The following LIG3 variants were observed in gnomAD, a reference collection of about 807,000 sequenced individuals.
LIG3 encodes DNA ligase 3.
Under a neutral mutation model 110.9 loss-of-function variants are expected in LIG3, and 58 were observed. The observed-to-expected ratio is 0.52, with a 90% CI of 0.42 to 0.65. The LOEUF (loss-of-function observed/expected upper bound fraction) is 0.65, where lower values mean the gene tolerates loss of function less well. Among genes scored for constraint, LIG3 ranks in the 30% least tolerant of loss-of-function variants. The pLI, the probability that LIG3 is intolerant of heterozygous loss-of-function variation, is 0.00. For missense variants in LIG3, 1,094 were observed against 1,273.8 expected (o/e 0.86, Z 2.15); for synonymous variants, 422 against 472.8 (o/e 0.89, Z 1.39).
downstream of LIG3, chr17:35,010,197 G>T (rs1165100019): frequency 6.6e-6 from 1 of 152,208 alleles, no homozygotes; most frequent in Non-Finnish European, 1.5e-5. Flanking sequence ...CTGCCATCCA[G>T]AGTCATGATT....
chr17:34,989,569 G>A lies in LIG3; in HGVS notation c.795G>A (p.Glu265=), dbSNP rs777372589. The A allele has an allele frequency of 2.5e-6, 4 of 1,613,988 alleles. No homozygotes were observed. Among genetic ancestry groups the A allele is most frequent in the South Asian group, 2.2e-5 (2 of 91,088 alleles). ...GGCATAAGGACTGTCTGCTACGGGA[G>A]TTTCGAAAGTTATGCGCCATGGTGG... ...DPRHKDCLLR[E]FRKLCAMVAD... Residue 265 remains glutamate (E), a synonymous_variant, in exon 4 of 20, where the codon GAG becomes GAA. Transcript: ENST00000378526.
rs1252419554 is a variant in LIG3, at chr17:35,005,983, T to C, written c.*1477T>C. The stretch of plus-strand genomic sequence containing the variant: ...GCTGACCTATTGATAATACCAACAA[T>C]GTTGAGTGGCATTTTCTTCTTAGTT... On this transcript the variant is annotated 3_prime_UTR_variant, in exon 20 of 20. Transcript: ENST00000378526. The C allele has an allele frequency of 7.7e-6, 2 of 261,202 alleles. No homozygotes were observed. The highest frequency in any genetic ancestry group is 1.5e-5 in the Non-Finnish European group (2 of 133,336). The allele number at this position is 261,202 out of a possible 1,614,324, so 16.2% of individuals were successfully genotyped here. A position where few individuals can be genotyped will look rare whatever the true frequency, so the allele number is the denominator to read the frequency against.
intron 11 of LIG3, chr17:34,997,403 G>A: frequency 3.9e-6 from 1 of 256,820 alleles, no homozygotes; most frequent in South Asian, 5.0e-5. Flanking sequence ...GCAGGGTGCA[G>A]GGGATAAAAA....
chr17:35,005,861 T>C lies in LIG3; in HGVS notation c.*1355T>C. 1 of 371,478 alleles carries C rather than the reference T, an allele frequency of 2.7e-6. No homozygotes were observed. The highest frequency in any genetic ancestry group is 6.3e-5 in the East Asian group (1 of 15,798). The allele number at this position is 371,478 out of a possible 1,614,324, so 23.0% of individuals were successfully genotyped here. On this transcript the variant is annotated 3_prime_UTR_variant, in exon 20 of 20. Transcript: ENST00000378526. ...GAATGAAGAGCAGCAGTAAAAGAAA[T>C]ACCTAGCGAAAAAAACAGGAAGCAT...
At chr17:34,988,712 G>C (rs369908914) in intron 3 of LIG3, among the ~76,000 whole-genome samples, 6 of 152,144 alleles carry the variant, frequency 3.9e-5, no homozygotes, top group African/African-American at 1.4e-4. Flanking sequence ...GAAAAGAAAA[G>C]TTGAAGCAGC....
Position 34,989,486 on chromosome 17 carries a change from G to A in LIG3, c.712G>A (p.Glu238Lys). ...AACAGCCAAGCCCAACAACTCTGGG[G>A]AAGCCCCCTCGAGCCCCACCCCTAA... ...GFSAKPNNSG[E>K]APSSPTPKRS... The change falls in exon 4 of 20, where the codon GAA (glutamate) becomes AAA (lysine). Residue 238 changes from glutamate to lysine, a missense_variant. By Grantham distance (56) the Glu-to-Lys change is moderately conservative (BLOSUM62 1). Transcript: ENST00000378526. The A allele has an allele frequency of 3.7e-6, 6 of 1,613,918 alleles. No homozygotes were observed. The highest frequency in any genetic ancestry group is 5.1e-6 in the Non-Finnish European group (6 of 1,179,978).
At chr17:35,000,358 A>C (rs2090826794) in intron 16 of LIG3, among the ~76,000 whole-genome samples, 1 of 152,182 alleles carries the variant, frequency 6.6e-6, no homozygotes, top group Admixed American at 6.5e-5. Flanking sequence ...TCCCGGGTTC[A>C]AGTGATTCTC....
At position 34,983,085 on chromosome 17, in the gene LIG3, A is replaced by G. The variant is rs2090620041; in HGVS notation, c.80A>G (p.His27Arg). 6.2e-7 allele frequency: 1 copy of G among 1,613,948 alleles called. No individual in the cohort carries two copies. Among genetic ancestry groups the G allele is most frequent in the African/African-American group, 1.3e-5 (1 of 74,962 alleles). ...SRKELCLFRKHHWRDVRQFSQ... is the reference protein window; with the variant it reads ...SRKELCLFRKRHWRDVRQFSQ... ...AAAGAACTGTGCCTATTCCGAAAAC[A>G]TCACTGGCGTGATGTAAGACAATTC... is the stretch of plus-strand genomic sequence containing the variant. The change falls in exon 2 of 20, where the codon CAT becomes CGT. Residue 27 changes from histidine to arginine, a missense_variant. By Grantham distance (29) the His-to-Arg change is conservative. Transcript: ENST00000378526.
intron 9 of LIG3, among the ~76,000 whole-genome samples, chr17:34,995,562 C>T (rs1197964357): frequency 6.6e-6 from 1 of 152,170 alleles, no homozygotes; most frequent in Non-Finnish European, 1.5e-5. Context: ...CTGCTCTAAG[C>T]ATCCTGGGTA....
chr17:35,005,666 C>T lies in LIG3; in HGVS notation c.*1160C>T, dbSNP rs1467239817. The T allele has an allele frequency of 1.1e-5, 6 of 565,036 alleles. No individual in the cohort carries two copies. Among genetic ancestry groups the T allele is most frequent in the South Asian group, 2.7e-5 (2 of 72,756 alleles). The allele number at this position is 565,036 out of a possible 1,614,324, so 35.0% of individuals were successfully genotyped here. On this transcript the variant is annotated 3_prime_UTR_variant, in exon 20 of 20. Coordinates refer to ENST00000378526, the MANE Select transcript of LIG3 (RefSeq NM_013975.4). The stretch of plus-strand genomic sequence containing the variant: ...TTTTTTTTCTTCTATTCATTGGATT[C>T]GTCTGTGTCCTACTGAGTTTTTTCA...
Position 35,002,722 on chromosome 17 carries a change from C to T in LIG3, c.2729C>T (p.Thr910Ile), listed in dbSNP as rs2090856991. 2 of 1,613,506 alleles carry T rather than the reference C, an allele frequency of 1.2e-6. No homozygotes were observed. Among genetic ancestry groups the T allele is most frequent in the African/African-American group, 2.7e-5 (2 of 75,052 alleles). The change falls in exon 19 of 20, where the codon ACA becomes ATA. Residue 910 changes from threonine to isoleucine, a missense_variant. Transcript: ENST00000378526. ...ATGAAGGTGGGGGAGAAGCTGGCCA[C>T]AAAGTCTTCTCCAGTGAAAGTAGGG... ...SAMKVGEKLA[T>I]KSSPVKVGEK... is the part of the protein sequence containing the mutation.
At position 34,983,188 on chromosome 17, in the gene LIG3, A is replaced by C. The variant is rs755369837; in HGVS notation, c.183A>C (p.Gly61=). Residue 61 remains glycine, a synonymous_variant, in exon 2 of 20, where the codon GGA becomes GGC. Coordinates refer to ENST00000378526, the MANE Select transcript of LIG3 (RefSeq NM_013975.4). ...LRRKPVLSFQ[G]SHLRSRATYL... ...GAAAGCCTGTTCTATCATTCCAGGG[A>C]AGCCATCTAAGATCACGTGCCACCT... 3 of 1,614,174 alleles carry C rather than the reference A, an allele frequency of 1.9e-6. No homozygotes were observed. The highest frequency in any genetic ancestry group is 2.5e-6 in the Non-Finnish European group (3 of 1,180,016).
intron 14 of LIG3, 96 bp from the exon 15 acceptor site, chr17:34,999,211 A>G: frequency 7.1e-7 from 1 of 1,403,916 alleles, no homozygotes; most frequent in Non-Finnish European, 9.7e-7. Flanking sequence ...TGGCACTCTG[A>G]CGGCCAGGAC....
intron 3 of LIG3, among the ~76,000 whole-genome samples, chr17:34,987,848 T>C (rs1486951205): frequency 2.6e-5 from 4 of 152,176 alleles, no homozygotes; most frequent in Non-Finnish European, 4.4e-5. Context: ...TCATGAGGAC[T>C]GTAAGAGATA....
chr17:35,001,956 T>C lies in LIG3; in HGVS notation c.2526T>C (p.Ala842=). 6.2e-7 allele frequency: 1 copy of C among 1,612,686 alleles called. No individual in the cohort carries two copies. The highest frequency in any genetic ancestry group is 8.5e-7 in the Non-Finnish European group (1 of 1,179,436). ...SKEKADFTVV[A]GDEGSSTTGG... is the part of the protein sequence containing the mutation. ...AGAAGGCAGACTTCACTGTAGTGGC[T>C]GGAGATGAGGGGAGCTCCACTACAG... Residue 842 remains alanine (A), a synonymous_variant, in exon 18 of 20, where the codon GCT becomes GCC. Coordinates refer to ENST00000378526, the MANE Select transcript of LIG3 (RefSeq NM_013975.4).
At chr17:35,003,317 T>TG (rs2090864912) in intron 19 of LIG3, 2 of 565,672 alleles carry the variant, frequency 3.5e-6, no homozygotes, top group Non-Finnish European at 5.7e-6. Flanking sequence ...TTTTTTTTTT[T>TG]GAGATAAGTC....
At chr17:34,980,693 G>A (rs2090574154) in intron 1 of LIG3, 71 bp downstream of exon 1, 17 of 915,614 alleles carry the variant, frequency 1.9e-5, no homozygotes, top group Middle Eastern at 5.3e-4. Flanking sequence ...CCGGGGCGAG[G>A]AGCTCGGCGC....
chr17:34,991,841 G>A lies in LIG3; in HGVS notation c.1208+4G>A. The A allele has an allele frequency of 6.2e-7, 1 of 1,614,044 alleles. No individual in the cohort carries two copies. The highest frequency in any genetic ancestry group is 8.5e-7 in the Non-Finnish European group (1 of 1,179,978). On this transcript the variant is annotated splice_donor_region_variant and intron_variant, in intron 6 of 19. Coordinates refer to ENST00000378526, the MANE Select transcript of LIG3 (RefSeq NM_013975.4). ...CCCTACAGGACATTGCCTCCAGGTG[G>A]GGGAGCTGCCTCCGTCAAACCATGC...
In LIG3 at chr17:34,997,818, G is replaced by A. The variant is rs372375745; in HGVS notation, c.1904G>A (p.Arg635Gln). Residue 635 changes from arginine (R) to glutamine (Q), a missense_variant, in exon 12 of 20, where the codon CGA (arginine) becomes CAA (glutamine). Arg to Gln is a conservative substitution (Grantham distance 43, BLOSUM62 1). Coordinates refer to ENST00000378526, the MANE Select transcript of LIG3 (RefSeq NM_013975.4). ...CGGATCATGTTCTCAGAAATGAAGC[G>A]AGTCACAGTAAGTGAAGACCCTATG... ...PNRIMFSEMKRVTKALDLADM... is the reference protein window; with the variant it reads ...PNRIMFSEMKQVTKALDLADM... 8.7e-6 allele frequency: 14 copies of A among 1,613,662 alleles called. No homozygotes were observed. The highest frequency in any genetic ancestry group is 8.0e-5 in the African/African-American group (6 of 75,042).
Sources: allele counts gnomAD v4.1 joint callset (sites outside exome capture counted in the v4.1 genomes callset), GRCh38; gene constraint gnomAD v4.1.1; transcripts MANE v1.5; gene names NCBI Gene and HGNC (gene_info 2026-07-23, HGNC 2026-07-21).